The following NPAS3 variants were observed in gnomAD, a reference collection of about 807,000 sequenced individuals.
The protein encoded by NPAS3 is neuronal PAS domain-containing protein 3.
A neutral mutation model predicts 73.1 loss-of-function variants in NPAS3; 14 were observed. The observed-to-expected ratio is 0.19, with a 90% CI of 0.13 to 0.30. The LOEUF (loss-of-function observed/expected upper bound fraction) is 0.30. Among genes scored for constraint, NPAS3 ranks in the 10% least tolerant of loss-of-function variants. The probability of loss-of-function intolerance (pLI) is 1.00; values close to 1 mark genes in which losing one functional copy is unlikely to be tolerated. For synonymous variants in NPAS3, 620 were observed against 541.5 expected (o/e 1.14, Z -2.01); for missense variants, 1,096 against 1,250.0 (o/e 0.88, Z 1.86).
At chr14:33,268,903 G>C (rs1500718) in intron 3 of NPAS3, among the ~76,000 whole-genome samples, 11,027 of 152,212 alleles carry the variant, frequency 0.072, 558 homozygotes, top group Non-Finnish European at 0.1. Context: ...CCTGGAAAGG[G>C]CTTTTTTGCC....
intron 2 of NPAS3, among the ~76,000 whole-genome samples, chr14:33,108,737 A>G (rs1049109616): frequency 6.6e-6 from 1 of 152,190 alleles, no homozygotes; most frequent in Non-Finnish European, 1.5e-5. Context: ...TGTGTTGAAT[A>G]TCATTTCTGA....
chr14:33,274,470 A>T (rs556473745), intron 3 of NPAS3, among the ~76,000 whole-genome samples: 1 of 152,164 alleles, frequency 6.6e-6, no homozygotes, highest in African/African-American at 2.4e-5. Flanking sequence ...CTGGCCTCCC[A>T]TATCTAGCTG....
chr14:33,802,869 C>T (rs1464388738), downstream of NPAS3: 1 of 152,140 alleles, frequency 6.6e-6, no homozygotes. Flanking sequence ...CTCCCTACCT[C>T]TCCTCTCTTT....
intron 9 of NPAS3, 82 bp from the exon 10 acceptor site, chr14:33,793,813 AAG>A: frequency 7.4e-7 from 1 of 1,360,328 alleles, no homozygotes; most frequent in Non-Finnish European, 9.9e-7. Context: ...TTTTAGGCTT[AAG>A]GTTTTGCAGA....
At chr14:33,516,192 C>T (rs1322059436) in intron 4 of NPAS3, among the ~76,000 whole-genome samples, 1 of 152,136 alleles carries the variant, frequency 6.6e-6, no homozygotes, top group African/African-American at 2.4e-5. Context: ...GAATTTGACA[C>T]AAGTCTTTTA....
At chr14:33,418,605 GA>G (rs1364864077) in intron 4 of NPAS3, among the ~76,000 whole-genome samples, 1 of 151,954 alleles carries the variant, frequency 6.6e-6, no homozygotes, top group Non-Finnish European at 1.5e-5. Flanking sequence ...TGAGTTTTAA[GA>G]GGATATGTTA....
rs770719377 is a variant in NPAS3 at position 33,217,521 on chromosome 14, C to T, written c.385+2095C>T. On this transcript the variant is annotated intron_variant, in intron 3 of 11. Coordinates refer to ENST00000356141, the Ensembl canonical transcript of NPAS3. ...TAATAATTATTCAAATATATAAGTTCGAAAAATATATTATTCAAATGAAAT... is the reference window on the plus strand; with the variant it reads ...TAATAATTATTCAAATATATAAGTTTGAAAAATATATTATTCAAATGAAAT... Among the ~76,000 whole-genome samples, 89 of 151,964 alleles carry T rather than the reference C, an allele frequency of 5.9e-4. 1 individual carries two copies. Among genetic ancestry groups the T allele is most frequent in the African/African-American group, 1.8e-3 (73 of 41,432 alleles).
At chr14:33,145,379 T>C (rs1021843242) in intron 2 of NPAS3, among the ~76,000 whole-genome samples, 11 of 152,232 alleles carry the variant, frequency 7.2e-5, no homozygotes, top group African/African-American at 2.4e-4. Flanking sequence ...TCTGTCTTTG[T>C]ATGGATCATG....
At chr14:33,106,472 T>C (rs1275473594) in intron 2 of NPAS3, among the ~76,000 whole-genome samples, 1 of 152,138 alleles carries the variant, frequency 6.6e-6, no homozygotes, top group Non-Finnish European at 1.5e-5. Flanking sequence ...AAAATTGCTA[T>C]CAAAATTTTT....
At chr14:33,772,844 T>C (rs529641947) in intron 7 of NPAS3, among the ~76,000 whole-genome samples, 10 of 152,140 alleles carry the variant, frequency 6.6e-5, no homozygotes, top group South Asian at 2.1e-4. Flanking sequence ...AAAGGTGCAT[T>C]AAGTATGAAT....
At chr14:33,707,686 AG>A (rs2060695418) in intron 6 of NPAS3, among the ~76,000 whole-genome samples, 1 of 152,234 alleles carries the variant, frequency 6.6e-6, no homozygotes, top group East Asian at 1.9e-4. Context: ...AAACTTCAGC[AG>A]GCAAGATGGA....
At chr14:33,720,861 A>T (rs2061088470) in intron 6 of NPAS3, among the ~76,000 whole-genome samples, 1 of 152,102 alleles carries the variant, frequency 6.6e-6, no homozygotes, top group Admixed American at 6.6e-5. Context: ...TCATTTGTTA[A>T]TCCATGGGGT....
intron 1 of NPAS3, among the ~76,000 whole-genome samples, chr14:33,031,324 A>C (rs1341527496): frequency 6.6e-6 from 1 of 152,210 alleles, no homozygotes; most frequent in East Asian, 1.9e-4. Context: ...AGCAAAAGGA[A>C]GTTTATTATC....
At chr14:33,627,512 T>C (rs970324649) in intron 5 of NPAS3, among the ~76,000 whole-genome samples, 1 of 152,188 alleles carries the variant, frequency 6.6e-6, no homozygotes, top group Non-Finnish European at 1.5e-5. Context: ...CACGTAATAG[T>C]TGAAGACTTT....
At chr14:33,411,773 C>T (rs1186161430) in intron 4 of NPAS3, among the ~76,000 whole-genome samples, 1 of 150,806 alleles carries the variant, frequency 6.6e-6, no homozygotes, top group Non-Finnish European at 1.5e-5. Context: ...GTCTTCCCAG[C>T]CATCTACAAG....
At chr14:33,419,067 A>C (rs916211203) in intron 4 of NPAS3, among the ~76,000 whole-genome samples, 1 of 151,982 alleles carries the variant, frequency 6.6e-6, no homozygotes, top group African/African-American at 2.4e-5. Context: ...TGATACTGTA[A>C]GGCACTACAT....
intron 3 of NPAS3, among the ~76,000 whole-genome samples, chr14:33,323,544 T>C (rs910914131): frequency 6.6e-6 from 1 of 152,206 alleles, no homozygotes; most frequent in Non-Finnish European, 1.5e-5. Context: ...TTGTATGTTA[T>C]GTTTCTTATA....
chr14:33,217,993 T>C (rs2047286376), intron 3 of NPAS3, among the ~76,000 whole-genome samples: 1 of 152,172 alleles, frequency 6.6e-6, no homozygotes, highest in Admixed American at 6.6e-5. Context: ...TTCTAATACT[T>C]CATTTTTATT....
At chr14:33,605,081 A>G (rs1595258156) in intron 5 of NPAS3, among the ~76,000 whole-genome samples, 2 of 152,154 alleles carry the variant, frequency 1.3e-5, no homozygotes, top group South Asian at 4.1e-4. Context: ...AATTAAGATT[A>G]AAGTAGAAAT....
Sources: gnomAD v4.1 joint callset for allele counts (sites outside exome capture counted in the v4.1 genomes callset) on GRCh38, gnomAD v4.1.1 for gene constraint, MANE v1.5 for transcripts, NCBI Gene and HGNC (gene_info 2026-07-23, HGNC 2026-07-21) for gene names.